Variants in NRXN3 observed in about 807,000 individuals in gnomAD.
The protein encoded by NRXN3 is neurexin III.
Under a neutral mutation model 137.6 loss-of-function variants are expected in NRXN3, and 32 were observed. That is an observed-to-expected ratio of 0.23 (90% CI 0.18 to 0.31). The LOEUF (loss-of-function observed/expected upper bound fraction) is 0.31. Ranked by LOEUF, NRXN3 falls within the 10% of genes least tolerant of loss-of-function variation. The pLI is 1.00. For synonymous variants in NRXN3, 798 were observed against 784.5 expected, an observed-to-expected ratio of 1.02 and a Z score of -0.29; for missense variants, 1,574 against 2,062.5, an observed-to-expected ratio of 0.76 and a Z score of 4.59.
In NRXN3 at chr14:78,242,731, C is replaced by T. The variant is rs1387113083; in HGVS notation, c.-363C>T. ...TTCTTCCTACTCTCCTGCACCTTCT[C>T]CTCCTTGAGTCAAGGCCTCCGGATC... On this transcript the variant is annotated 5_prime_UTR_variant, in exon 2 of 21. Coordinates refer to ENST00000335750, the MANE Select transcript of NRXN3 (RefSeq NM_001330195.2). 1 of 225,394 alleles carries T rather than the reference C, an allele frequency of 4.4e-6. No individual in the cohort carries two copies. Among genetic ancestry groups the T allele is most frequent in the African/African-American group, 2.3e-5 (1 of 43,852 alleles). The allele number at this position is 225,394 out of a possible 1,614,324, so 14.0% of individuals were successfully genotyped here. A position where few individuals can be genotyped will look rare whatever the true frequency, so the allele number is the denominator to read the frequency against.
intron 15 of NRXN3, among the ~76,000 whole-genome samples, chr14:79,346,902 A>G (rs1197891561): frequency 6.6e-6 from 1 of 152,168 alleles, no homozygotes; most frequent in Non-Finnish European, 1.5e-5. Context: ...CCCAGGCTCA[A>G]TGTCTTAAAA....
intron 3 of NRXN3, among the ~76,000 whole-genome samples, chr14:78,292,567 A>G: frequency 6.6e-6 from 1 of 152,190 alleles, no homozygotes; most frequent in Admixed American, 6.5e-5. Flanking sequence ...GTGACATCAA[A>G]CGGGAGACAC....
intron 15 of NRXN3, among the ~76,000 whole-genome samples, chr14:79,317,832 A>T (rs1417755139): frequency 6.6e-6 from 1 of 152,218 alleles, no homozygotes; most frequent in Admixed American, 6.5e-5. Flanking sequence ...AAATATAATA[A>T]TACATGTCTA....
chr14:79,449,818 C>T (rs755199841), intron 15 of NRXN3, among the ~76,000 whole-genome samples: 34 of 151,744 alleles, frequency 2.2e-4, no homozygotes, highest in Middle Eastern at 3.4e-3. Context: ...GGTGAAACCC[C>T]GTCTCTACTA....
intron 15 of NRXN3, among the ~76,000 whole-genome samples, chr14:79,466,791 GCTC>G (rs2096432160): frequency 6.6e-6 from 1 of 152,206 alleles, no homozygotes; most frequent in Non-Finnish European, 1.5e-5. Context: ...AAGGCTCCTG[GCTC>G]CACTGACCAG....
intron 16 of NRXN3, among the ~76,000 whole-genome samples, chr14:79,604,940 G>A (rs999347302): frequency 2.0e-5 from 3 of 152,096 alleles, no homozygotes; most frequent in African/African-American, 7.2e-5. Flanking sequence ...GCTGAGGCAG[G>A]AGAATCGCTT....
chr14:79,345,800 C>T (rs1349016007), intron 15 of NRXN3, among the ~76,000 whole-genome samples: 1 of 152,154 alleles, frequency 6.6e-6, no homozygotes, highest in Admixed American at 6.5e-5. Context: ...TTTTCTAAGG[C>T]CTCACCAGAA....
chr14:79,058,918 G>A (rs2099669883), intron 15 of NRXN3, among the ~76,000 whole-genome samples: 1 of 152,124 alleles, frequency 6.6e-6, no homozygotes, highest in African/African-American at 2.4e-5. Flanking sequence ...CGCCGTGATT[G>A]TAACTTTCCT....
chr14:78,515,955 C>T (rs906831969), intron 4 of NRXN3, among the ~76,000 whole-genome samples: 7 of 152,074 alleles, frequency 4.6e-5, no homozygotes, highest in Admixed American at 6.6e-5. Context: ...CCACAGTTTC[C>T]TCATCTTTCA....
At chr14:79,633,029 A>G (rs1280494558) in intron 16 of NRXN3, among the ~76,000 whole-genome samples, 2 of 152,184 alleles carry the variant, frequency 1.3e-5, no homozygotes, top group Non-Finnish European at 2.9e-5. Flanking sequence ...TGAGAAATAG[A>G]ACATTCAAGG....
At chr14:79,205,679 C>T (rs142519342) in intron 15 of NRXN3, among the ~76,000 whole-genome samples, 57 of 152,248 alleles carry the variant, frequency 3.7e-4, no homozygotes, top group Admixed American at 5.9e-4. Flanking sequence ...ATTATAAGTA[C>T]ACACTCTATC....
chr14:79,469,633 C>T (rs1432536901), intron 16 of NRXN3, among the ~76,000 whole-genome samples: 1 of 152,124 alleles, frequency 6.6e-6, no homozygotes, highest in Non-Finnish European at 1.5e-5. Flanking sequence ...CAGCCGATTG[C>T]TTAAACGTTC....
rs76410521 is a variant in NRXN3 at position 78,576,216 on chromosome 14, T to C, written c.758-68904T>C. Among the ~76,000 whole-genome samples, 948 of 152,286 alleles carry C rather than the reference T, an allele frequency of 6.2e-3. 6 individuals carry two copies. The highest frequency in any genetic ancestry group is 1.0e-2 in the South Asian group (48 of 4,824). ...AGCAGCTCTCATCCTGATCAGACCT[T>C]TTCTCTTGGCATTTGTCTCTTCCTC... On this transcript the variant is annotated intron_variant, in intron 4 of 20. Transcript: ENST00000335750.
At chr14:78,717,539 A>G (rs1415862573) in intron 8 of NRXN3, among the ~76,000 whole-genome samples, 1 of 151,978 alleles carries the variant, frequency 6.6e-6, no homozygotes, top group East Asian at 1.9e-4. Context: ...TTCAGAATGA[A>G]TCAGTGGAGT....
intron 15 of NRXN3, among the ~76,000 whole-genome samples, chr14:79,065,898 C>T (rs539703210): frequency 6.6e-6 from 1 of 152,112 alleles, no homozygotes; most frequent in Admixed American, 6.6e-5. Context: ...CTGCACAAAC[C>T]ATCCCATCAT....
chr14:79,038,606 T>TA (rs1459889236), intron 15 of NRXN3, among the ~76,000 whole-genome samples: 1 of 152,172 alleles, frequency 6.6e-6, no homozygotes, highest in Non-Finnish European at 1.5e-5. Flanking sequence ...TTGCTATTTT[T>TA]ATCTCTAGGT....
chr14:78,322,251 T>G (rs961237220), intron 4 of NRXN3, among the ~76,000 whole-genome samples: 1 of 151,940 alleles, frequency 6.6e-6, no homozygotes, highest in African/African-American at 2.4e-5. Flanking sequence ...AATATGTAAT[T>G]GGGAAAGCCA....
At chr14:78,375,622 A>G (rs930420876) in intron 4 of NRXN3, among the ~76,000 whole-genome samples, 1 of 152,210 alleles carries the variant, frequency 6.6e-6, no homozygotes, top group Non-Finnish European at 1.5e-5. Context: ...AAGTATATAT[A>G]TGTATTTTGT....
At chr14:78,325,656 A>G (rs1208503964) in intron 4 of NRXN3, among the ~76,000 whole-genome samples, 1 of 152,050 alleles carries the variant, frequency 6.6e-6, no homozygotes, top group Non-Finnish European at 1.5e-5. Flanking sequence ...ACAGTTTGAA[A>G]AAAAGCATAG....
Sources: allele counts gnomAD v4.1 joint callset (sites outside exome capture counted in the v4.1 genomes callset), GRCh38; gene constraint gnomAD v4.1.1; transcripts MANE v1.5; gene names NCBI Gene and HGNC (gene_info 2026-07-23, HGNC 2026-07-21).